Variants in LAMA1 observed in about 807,000 individuals in gnomAD.
LAMA1 encodes the protein laminin subunit alpha-1.
A neutral mutation model predicts 348.7 loss-of-function variants in LAMA1; 219 were observed. The observed-to-expected ratio is 0.63, with a 90% CI of 0.56 to 0.70. The LOEUF is 0.70. LAMA1 is among the 30% of genes least tolerant of loss of function. The probability of loss-of-function intolerance (pLI) is 0.00; values close to 1 mark genes in which losing one functional copy is unlikely to be tolerated. For synonymous variants in LAMA1, 1,487 were observed against 1,491.0 expected (o/e 1.00, Z 0.06); for missense variants, 3,744 against 3,888.0 (o/e 0.96, Z 0.99).
chr18:6,978,674 C>T (rs184958147), intron 42 of LAMA1, among the ~76,000 whole-genome samples: 6 of 152,306 alleles, frequency 3.9e-5, no homozygotes, highest in Admixed American at 6.5e-5. Flanking sequence ...TTTCAATAAA[C>T]AATGAGATCA....
intron 59 of LAMA1, 141 bp downstream of exon 59, chr18:6,948,960 A>C: frequency 9.3e-7 from 1 of 1,078,466 alleles, no homozygotes; most frequent in Non-Finnish European, 1.4e-6. Flanking sequence ...ATCTGTGGAC[A>C]TGCCTGCAAA....
intron 47 of LAMA1, 36 bp downstream of exon 47, chr18:6,973,021 A>G (rs2057665215): frequency 6.2e-7 from 1 of 1,612,078 alleles, no homozygotes; most frequent in Admixed American, 1.7e-5. Context: ...AAAATCAGTC[A>G]ATCAGTCCTG....
At chr18:7,082,811 C>G (rs1215669418) in intron 1 of LAMA1, among the ~76,000 whole-genome samples, 2 of 152,240 alleles carry the variant, frequency 1.3e-5, no homozygotes, top group East Asian at 3.9e-4. Context: ...AAAAAGAAAC[C>G]AAGGTTACAA....
At chr18:7,096,106 G>T (rs1200305710) in intron 1 of LAMA1, among the ~76,000 whole-genome samples, 1 of 152,204 alleles carries the variant, frequency 6.6e-6, no homozygotes, top group Non-Finnish European at 1.5e-5. Context: ...CTGTGGTATG[G>T]TATATGTGTG....
At chr18:7,109,694 A>G (rs185366085) in intron 1 of LAMA1, among the ~76,000 whole-genome samples, 42 of 152,294 alleles carry the variant, frequency 2.8e-4, no homozygotes, top group African/African-American at 9.9e-4. Context: ...CTGCAATGGA[A>G]GCTAATAGTT....
intron 1 of LAMA1, among the ~76,000 whole-genome samples, chr18:7,085,705 A>C (rs2058214507): frequency 6.6e-6 from 1 of 152,142 alleles, no homozygotes; most frequent in Non-Finnish European, 1.5e-5. Context: ...GGCGTGAGCC[A>C]CCGCTCCTGG....
chr18:7,117,623 C>T (rs2058363257), intron 1 of LAMA1, 37 bp downstream of exon 1: 2 of 1,587,514 alleles, frequency 1.3e-6, no homozygotes, highest in African/African-American at 1.4e-5. Flanking sequence ...CGCCCGCCTG[C>T]GGGGGACAGG....
At chr18:7,019,230 G>C (rs1038429285) in intron 19 of LAMA1, among the ~76,000 whole-genome samples, 6 of 152,074 alleles carry the variant, frequency 3.9e-5, no homozygotes, top group Admixed American at 6.5e-5. Context: ...CAAATTCAGG[G>C]AGCAGACTTC....
intron 34 of LAMA1, among the ~76,000 whole-genome samples, chr18:6,994,762 A>G (rs2057773892): frequency 6.6e-6 from 1 of 152,154 alleles, no homozygotes; most frequent in Non-Finnish European, 1.5e-5. Flanking sequence ...CATCTGCAGA[A>G]GGGGAGATTC....
chr18:7,065,232 C>CAAAAAAAA (rs35224545), intron 3 of LAMA1, among the ~76,000 whole-genome samples: 2 of 71,400 alleles, frequency 2.8e-5, no homozygotes, highest in Non-Finnish European at 2.6e-5. Context: ...GACTCTATCT[C>CAAAAAAAA]AAAAAAAAAA....
At position 7,042,167 on chromosome 18, in the gene LAMA1, G is replaced by T. The variant is rs144278838; in HGVS notation, c.1239C>A (p.Asp413Glu). ...GSLSSVCIKD[D>E]LHSDLHNGKQ... The stretch of plus-strand genomic sequence containing the variant: ...TACCATTGTGTAAGTCAGAATGGAG[G>T]TCATCCTTAATACAGACAGAACTGA... The change falls in exon 9 of 63, where the codon GAC becomes GAA. Residue 413 changes from aspartate (D) to glutamate (E), a missense_variant. By Grantham distance (45) the Asp-to-Glu change is conservative (BLOSUM62 2). Coordinates refer to ENST00000389658, the MANE Select transcript of LAMA1 (RefSeq NM_005559.4). The T allele has an allele frequency of 3.5e-4, 564 of 1,611,436 alleles. 1 individual carries two copies. The African/African-American group carries it at 6.6e-3, about 19-fold the overall frequency.
chr18:7,043,315 C>T lies in LAMA1; in HGVS notation c.1067G>A (p.Arg356Lys). 1 of 1,614,142 alleles carries T rather than the reference C, an allele frequency of 6.2e-7. No homozygotes were observed. The highest frequency in any genetic ancestry group is 1.1e-5 in the South Asian group (1 of 91,084). The change falls in exon 8 of 63, where the codon AGA (arginine) becomes AAA (lysine). Residue 356 changes from arginine (R) to lysine (K), a missense_variant. Coordinates refer to ENST00000389658, the MANE Select transcript of LAMA1 (RefSeq NM_005559.4). ...GCAATTTATGCAAACCCCTCCTCCTCTGAACTGTCCAGCAGTATTCAAACT... is the reference window on the plus strand; with the variant it reads ...GCAATTTATGCAAACCCCTCCTCCTTTGAACTGTCCAGCAGTATTCAAACT... ...KKSLNTAGQF[R>K]GGGVCINCLQ...
chr18:6,979,620 C>T (rs1478496178), intron 42 of LAMA1, among the ~76,000 whole-genome samples: 1 of 152,224 alleles, frequency 6.6e-6, no homozygotes, highest in African/African-American at 2.4e-5. Flanking sequence ...AAACTTTAGG[C>T]CAGGCGCGGT....
Position 6,957,785 on chromosome 18 carries a change from C to CTTTTTTTT in LAMA1, c.7964+684_7964+691dup, listed in dbSNP as rs58835769. Among the ~76,000 whole-genome samples, 765 of 150,840 alleles carry CTTTTTTTT rather than the reference C, an allele frequency of 5.1e-3. 5 individuals are homozygous for CTTTTTTTT. Among genetic ancestry groups the CTTTTTTTT allele is most frequent in the African/African-American group, 0.018 (734 of 40,676 alleles). ...ACACAGGGAATGGAGGCTTCCAGTT[C>CTTTTTTTT]TTTTTTTTTCTGAGACAGAGTCTCA... On this transcript the variant is annotated intron_variant, in intron 55 of 62. Coordinates refer to ENST00000389658, the MANE Select transcript of LAMA1 (RefSeq NM_005559.4).
chr18:6,960,032 TATC>T (rs2057599766), intron 53 of LAMA1: 1 of 180,882 alleles, frequency 5.5e-6, no homozygotes. Context: ...CAATGGCTAA[TATC>T]ATTCCTTTTT....
rs1370948457 is a variant in LAMA1 at position 7,037,617 on chromosome 18, C to T, written c.1698G>A (p.Lys566=). ...AGGCCTCGGGGGCTGCCCAGTAGTA[C>T]TTGGGAGCCAGTCTCTGCATGACCG... is the stretch of plus-strand genomic sequence containing the variant. The part of the protein sequence containing the change: ...NTAVMQRLAP[K]YYWAAPEAYL... The change falls in exon 12 of 63, where the codon AAG becomes AAA. Residue 566 remains lysine, a synonymous_variant. Coordinates refer to ENST00000389658, the MANE Select transcript of LAMA1 (RefSeq NM_005559.4). 3 of 1,614,120 alleles carry T rather than the reference C, an allele frequency of 1.9e-6. No homozygotes were observed. The highest frequency in any genetic ancestry group is 2.5e-6 in the Non-Finnish European group (3 of 1,180,026).
intron 3 of LAMA1, among the ~76,000 whole-genome samples, chr18:7,062,248 AC>A (rs1266243538): frequency 6.6e-6 from 1 of 151,950 alleles, no homozygotes; most frequent in Non-Finnish European, 1.5e-5. Context: ...AGGCCCATTA[AC>A]TCTGGAGAAG....
rs1370377983 is a variant in LAMA1, at chr18:7,015,760, C to T, written c.3088G>A (p.Asp1030Asn). The change falls in exon 22 of 63, where the codon GAT (aspartate) becomes AAT (asparagine). Residue 1030 changes from aspartate to asparagine, a missense_variant. Asp to Asn is a conservative substitution (Grantham distance 23, BLOSUM62 1). This residue lies in a region of LAMA1 where 1,529 missense variants were observed against 1,689.4 expected (regional missense o/e 0.91). Coordinates refer to ENST00000389658, the MANE Select transcript of LAMA1 (RefSeq NM_005559.4). ...TQGVKCEECE[D>N]GHWGYDAEVG... ...TCCGCATCGTAGCCCCAGTGCCCAT[C>T]CTCACATTCTTCACACTTCACACCC... 1 of 1,614,040 alleles carries T rather than the reference C, an allele frequency of 6.2e-7. No individual in the cohort carries two copies. Among genetic ancestry groups the T allele is most frequent in the Non-Finnish European group, 8.5e-7 (1 of 1,180,044 alleles).
At chr18:7,079,611 G>A in intron 3 of LAMA1, 1 of 345,376 alleles carries the variant, frequency 2.9e-6, no homozygotes, top group Non-Finnish European at 5.6e-6. Flanking sequence ...TAGCAAGACA[G>A]TAAGCTAAAA....
Sources: allele counts gnomAD v4.1 joint callset (sites outside exome capture counted in the v4.1 genomes callset), GRCh38; gene constraint gnomAD v4.1.1; regional missense constraint gnomAD v4.1.1; transcripts MANE v1.5; gene names NCBI Gene and HGNC (gene_info 2026-07-23, HGNC 2026-07-21).